The following APOBEC3H variants were observed in gnomAD, a reference collection of about 807,000 sequenced individuals.
APOBEC3H encodes the protein DNA dC->dU-editing enzyme APOBEC-3H.
A neutral mutation model predicts 21.2 loss-of-function variants in APOBEC3H; 8 were observed. The observed-to-expected ratio is 0.38, with a 90% CI of 0.22 to 0.68. The LOEUF (loss-of-function observed/expected upper bound fraction) is 0.68, where lower values mean the gene tolerates loss of function less well. APOBEC3H is among the 30% of genes least tolerant of loss of function. The pLI, the probability that APOBEC3H is intolerant of heterozygous loss-of-function variation, is 0.52. For synonymous variants in APOBEC3H, 88 were observed against 91.0 expected, an observed-to-expected ratio of 0.97 and a Z score of 0.19; for missense variants, 229 against 228.1, an observed-to-expected ratio of 1.00 and a Z score of -0.03.
At position 39,103,744 on chromosome 22, in the gene APOBEC3H, C is replaced by T; in HGVS notation, c.*47C>T. The T allele has an allele frequency of 6.2e-7, 1 of 1,608,566 alleles. No individual in the cohort carries two copies. The highest frequency in any genetic ancestry group is 8.5e-7 in the Non-Finnish European group (1 of 1,174,908). On this transcript the variant is annotated 3_prime_UTR_variant, in exon 5 of 5. Transcript: ENST00000442487. ...GACTTAAGAAGTTTGCAGCTTGGAC[C>T]CGTATCCCACTCATTATCAAGAAGC...
Position 39,097,606 on chromosome 22 carries a change from C to G in APOBEC3H, c.-8+263C>G, listed in dbSNP as rs540316728. ...CTCTCCCCTAAGAGTCATGGCTGGG[C>G]TAGTGCTCCCCACCTTGGGAGGGTG... On this transcript the variant is annotated intron_variant, in intron 1 of 4. Transcript: ENST00000442487. 5.3e-5 allele frequency among the ~76,000 whole-genome samples: 8 copies of G among 152,326 alleles called. No individual in the cohort carries two copies. In the East Asian group the frequency reaches 1.5e-3, roughly 29 times the overall value.
chr22:39,102,352 T>C (rs1042931842), intron 4 of APOBEC3H, among the ~76,000 whole-genome samples: 3 of 15,550 alleles, frequency 1.9e-4, no homozygotes, highest in African/African-American at 3.2e-4. Flanking sequence ...TTTCACCATG[T>C]TGCCCAGGCT....
chr22:39,099,642 C>T (rs1476715248), intron 1 of APOBEC3H, among the ~76,000 whole-genome samples: 2 of 152,208 alleles, frequency 1.3e-5, no homozygotes, highest in East Asian at 3.9e-4. Context: ...CCCCACCCAA[C>T]CCAGGAAGAA....
At chr22:39,097,530 T>C (rs1397914189) in intron 1 of APOBEC3H, among the ~76,000 whole-genome samples, 187 bp downstream of exon 1, 9 of 152,100 alleles carry the variant, frequency 5.9e-5, no homozygotes, top group Admixed American at 2.0e-4. Context: ...CACTGCTGCT[T>C]CTGAACGGGC....
rs1430696518 is a variant in APOBEC3H at position 39,102,023 on chromosome 22, G to A, written c.524G>A (p.Arg175Gln). ...ELDKNSRAIK[R>Q]RLERIKQS Reference sequence around the variant, plus strand: ...GATAAAAACAGTCGAGCCATAAAGCGACGGCTTGAGAGGATAAAGGTGAGG... The same window carrying A: ...GATAAAAACAGTCGAGCCATAAAGCAACGGCTTGAGAGGATAAAGGTGAGG... Residue 175 changes from arginine to glutamine, a missense_variant, in exon 4 of 5, where the codon CGA becomes CAA. By Grantham distance (43) the Arg-to-Gln change is conservative. Transcript: ENST00000442487. 1.2e-6 allele frequency: 2 copies of A among 1,613,866 alleles called. No homozygotes were observed. Among genetic ancestry groups the A allele is most frequent in the Non-Finnish European group, 1.7e-6 (2 of 1,179,912 alleles).
intron 2 of APOBEC3H, among the ~76,000 whole-genome samples, chr22:39,100,902 G>A (rs1244810809): frequency 6.6e-6 from 1 of 151,734 alleles, no homozygotes; most frequent in Non-Finnish European, 1.5e-5. Context: ...CTAGGCGGGT[G>A]TCCAAAGGCA....
chr22:39,100,333 C>T lies in APOBEC3H; in HGVS notation c.55C>T (p.Leu19Phe). Residue 19 changes from leucine (L) to phenylalanine (F), a missense_variant, in exon 2 of 5, where the codon CTC becomes TTC. Physicochemically the swap from Leu to Phe is conservative, Grantham distance 22. Transcript: ENST00000442487. The stretch of plus-strand genomic sequence containing the variant: ...CTTACAGTTTAACAACAAGCGCCGC[C>T]TCAGAAGGCCTTACTACCCGAGGAA... ...FRLQFNNKRRLRRPYYPRKAL... is the reference protein window; with the variant it reads ...FRLQFNNKRRFRRPYYPRKAL... The T allele has an allele frequency of 6.2e-7, 1 of 1,613,992 alleles. No homozygotes were observed. The highest frequency in any genetic ancestry group is 2.2e-5 in the East Asian group (1 of 44,882).
rs115512101 is a variant in APOBEC3H, at chr22:39,099,633, C to G, written c.-7-639C>G. Among the ~76,000 whole-genome samples the G allele has an allele frequency of 3.0e-3, 457 of 152,324 alleles. 2 individuals carry two copies. The highest frequency in any genetic ancestry group is 0.011 in the African/African-American group (438 of 41,574). On this transcript the variant is annotated intron_variant, in intron 1 of 4. Transcript: ENST00000442487. ...ACCCACAGTTCTCAGGCAGGGGATC[C>G]CCACCCAACCCAGGAAGAATAGTGA...
At chr22:39,097,959 A>G (rs752316428) in intron 1 of APOBEC3H, among the ~76,000 whole-genome samples, 1 of 152,178 alleles carries the variant, frequency 6.6e-6, no homozygotes, top group Non-Finnish European at 1.5e-5. Flanking sequence ...AAACTCAATG[A>G]TCAGGAGAAA....
rs2146317790 is a variant in APOBEC3H at position 39,100,384 on chromosome 22, C to T, written c.106C>T (p.Pro36Ser). ...RKALLCYQLT[P>S]QNGSTPTRGY... ...GGCCCTCTTGTGTTACCAGCTGACG[C>T]CGCAGAATGGCTCCACGCCCACGAG... Residue 36 changes from proline to serine, a missense_variant, in exon 2 of 5, where the codon CCG becomes TCG. Coordinates refer to ENST00000442487, the MANE Select transcript of APOBEC3H (RefSeq NM_181773.5). 4 of 1,614,156 alleles carry T rather than the reference C, an allele frequency of 2.5e-6. No individual in the cohort carries two copies. The highest frequency in any genetic ancestry group is 3.4e-6 in the Non-Finnish European group (4 of 1,180,010).
chr22:39,100,173 A>C, intron 1 of APOBEC3H, 99 bp from the exon 2 acceptor site: 1 of 1,386,412 alleles, frequency 7.2e-7, no homozygotes, highest in East Asian at 2.3e-5. Context: ...ACTCTGTCTC[A>C]AAAAACAAAA....
At position 39,104,042 on chromosome 22, in the gene APOBEC3H, G is replaced by A; in HGVS notation, c.*345G>A. ...GCACTTTGGGAGGCTGAGATGCTCG[G>A]CCAATAAATTTCTATTGTTTATGAA... On this transcript the variant is annotated 3_prime_UTR_variant, in exon 5 of 5. Coordinates refer to ENST00000442487, the MANE Select transcript of APOBEC3H (RefSeq NM_181773.5). 5.7e-6 allele frequency: 2 copies of A among 351,628 alleles called. No individual in the cohort carries two copies. Among genetic ancestry groups the A allele is most frequent in the Non-Finnish European group, 1.0e-5 (2 of 190,730 alleles). The allele number at this position is 351,628 out of a possible 1,614,324, so 21.8% of individuals were successfully genotyped here.
At chr22:39,098,607 G>T (rs2146313599) in intron 1 of APOBEC3H, among the ~76,000 whole-genome samples, 1 of 152,344 alleles carries the variant, frequency 6.6e-6, no homozygotes, top group South Asian at 2.1e-4. Context: ...TGGGTTAGAG[G>T]ATGGGTGGCA....
chr22:39,100,218 G>A, intron 1 of APOBEC3H, 54 bp from the exon 2 acceptor site: 5 of 1,571,330 alleles, frequency 3.2e-6, no homozygotes, highest in Admixed American at 1.7e-5. Context: ...TGAGCCTGGG[G>A]TGACTCAAGA....
chr22:39,103,164 C>T lies in APOBEC3H; in HGVS notation c.544-525C>T, dbSNP rs542798466. Among the ~76,000 whole-genome samples, 5 of 151,134 alleles carry T rather than the reference C, an allele frequency of 3.3e-5. No individual in the cohort carries two copies. The East Asian group carries it at 5.9e-4, about 18-fold the overall frequency. On this transcript the variant is annotated intron_variant, in intron 4 of 4. Transcript: ENST00000442487. ...TCAGCCAGGCATGGTGGCATGTGCC[C>T]GTGGTCCCAGCCATTCGGGAGGGTG...
At position 39,101,904 on chromosome 22, in the gene APOBEC3H, C is replaced by T. The variant is rs1322971333; in HGVS notation, c.419-14C>T. The T allele has an allele frequency of 1.2e-6, 2 of 1,613,884 alleles. No individual in the cohort carries two copies. The highest frequency in any genetic ancestry group is 3.3e-5 in the Admixed American group (2 of 60,008). ...TGCCCCTGGGGCCTGGCTGGTTTCCCTCTTCCCTCTCAGAGTTTGCTGACT... is the reference window on the plus strand; with the variant it reads ...TGCCCCTGGGGCCTGGCTGGTTTCCTTCTTCCCTCTCAGAGTTTGCTGACT... On this transcript the variant is annotated splice_polypyrimidine_tract_variant and intron_variant, in intron 3 of 4. Transcript: ENST00000442487.
At chr22:39,100,089 C>T (rs1929212213) in intron 1 of APOBEC3H, among the ~76,000 whole-genome samples, 183 bp from the exon 2 acceptor site, 1 of 152,168 alleles carries the variant, frequency 6.6e-6, no homozygotes, top group African/African-American at 2.4e-5. Flanking sequence ...AGGAGAATCG[C>T]TTGAACTTGG....
intron 1 of APOBEC3H, among the ~76,000 whole-genome samples, chr22:39,098,739 T>A (rs1242428007): frequency 1.3e-5 from 2 of 152,088 alleles, no homozygotes; most frequent in Non-Finnish European, 2.9e-5. Context: ...CTCTCCCTGG[T>A]CTTCCTGCTT....
At chr22:39,100,142 C>A (rs1929216637) in intron 1 of APOBEC3H, 130 bp from the exon 2 acceptor site, 13 of 1,006,514 alleles carry the variant, frequency 1.3e-5, no homozygotes, top group Non-Finnish European at 1.9e-5. Context: ...CACTGCACTC[C>A]AGCCTGGGCG....
Sources: gnomAD v4.1 joint callset for allele counts (sites outside exome capture counted in the v4.1 genomes callset) on GRCh38, gnomAD v4.1.1 for gene constraint, MANE v1.5 for transcripts, NCBI Gene and HGNC (gene_info 2026-07-23, HGNC 2026-07-21) for gene names.